KCNMA1: variants seen among roughly 807,000 people sequenced by gnomAD.
The protein encoded by KCNMA1 is Calcium-activated potassium channel subunit alpha-1.
In KCNMA1, 29 loss-of-function variants were observed where a neutral mutation model predicts 140.0. That is an observed-to-expected ratio of 0.21 (90% CI 0.15 to 0.28). The LOEUF is 0.28. Ranked by LOEUF, KCNMA1 falls within the 10% of genes least tolerant of loss-of-function variation. The pLI, the probability that KCNMA1 is intolerant of heterozygous loss-of-function variation, is 1.00. For synonymous variants in KCNMA1, 612 were observed against 611.9 expected, an observed-to-expected ratio of 1.00 and a Z score of 0.00; for missense variants, 880 against 1,602.2, an observed-to-expected ratio of 0.55 and a Z score of 7.70.
At chr10:77,379,700 C>T (rs2095312333) in intron 2 of KCNMA1, among the ~76,000 whole-genome samples, 1 of 152,048 alleles carries the variant, frequency 6.6e-6, no homozygotes, top group African/African-American at 2.4e-5. Context: ...TTTATGACTA[C>T]AGGAGTAAAG....
chr10:77,477,122 C>G (rs574055193), intron 1 of KCNMA1, among the ~76,000 whole-genome samples: 1 of 152,348 alleles, frequency 6.6e-6, no homozygotes, highest in South Asian at 2.1e-4. Flanking sequence ...CTTGGGCCTC[C>G]ATCATCTGTG....
At chr10:77,101,998 A>T (rs2153828599) in intron 9 of KCNMA1, among the ~76,000 whole-genome samples, 1 of 152,354 alleles carries the variant, frequency 6.6e-6, no homozygotes, top group South Asian at 2.1e-4. Context: ...AAGCCCTGAT[A>T]TTGGACTTCC....
chr10:77,588,453 T>C (rs1019127152), intron 1 of KCNMA1, among the ~76,000 whole-genome samples: 1 of 152,190 alleles, frequency 6.6e-6, no homozygotes, highest in African/African-American at 2.4e-5. Flanking sequence ...GTCTGGGCCC[T>C]GATATTTTAT....
At chr10:77,397,210 C>G (rs79186612) in intron 2 of KCNMA1, among the ~76,000 whole-genome samples, 101 of 152,296 alleles carry the variant, frequency 6.6e-4, no homozygotes, top group African/African-American at 2.3e-3. Flanking sequence ...GTGTGACACT[C>G]TTGCTACTCG....
intron 1 of KCNMA1, among the ~76,000 whole-genome samples, chr10:77,501,941 G>C (rs11002184): frequency 0.042 from 6,364 of 152,222 alleles, 191 homozygotes; most frequent in Non-Finnish European, 0.058. Flanking sequence ...GGATTTCACT[G>C]TGGCTGACTG....
At chr10:77,030,513 T>C (rs1483449755) in intron 15 of KCNMA1, among the ~76,000 whole-genome samples, 1 of 152,192 alleles carries the variant, frequency 6.6e-6, no homozygotes, top group Non-Finnish European at 1.5e-5. Context: ...CAAAGGTTAA[T>C]TTGCTAATAT....
intron 1 of KCNMA1, among the ~76,000 whole-genome samples, chr10:77,472,240 TAGACAC>T: frequency 6.7e-6 from 1 of 148,296 alleles, no homozygotes; most frequent in South Asian, 2.2e-4. Flanking sequence ...ATACATCACA[TAGACAC>T]AGACACATAC....
At chr10:77,004,213 CCACACACACACACACA>C (rs35789536) in intron 18 of KCNMA1, among the ~76,000 whole-genome samples, 5 of 144,366 alleles carry the variant, frequency 3.5e-5, no homozygotes, top group African/African-American at 7.8e-5. Flanking sequence ...ACAAGTGCCA[CCACACACACACACACA>C]CACACACACA....
intron 3 of KCNMA1, among the ~76,000 whole-genome samples, chr10:77,219,264 T>C (rs558385136): frequency 8.0e-4 from 122 of 152,172 alleles, no homozygotes; most frequent in Non-Finnish European, 1.5e-3. Flanking sequence ...CTTAATACAA[T>C]CGTGACGACA....
chr10:77,469,789 G>T (rs2098113067), intron 1 of KCNMA1, among the ~76,000 whole-genome samples: 2 of 152,144 alleles, frequency 1.3e-5, no homozygotes, highest in Admixed American at 1.3e-4. Flanking sequence ...ACTCTAGAGG[G>T]AATTTTAATT....
At chr10:76,943,044 C>A (rs994537046) in intron 23 of KCNMA1, among the ~76,000 whole-genome samples, 2 of 152,220 alleles carry the variant, frequency 1.3e-5, no homozygotes, top group African/African-American at 2.4e-5. Context: ...CCAACAGACA[C>A]CCATACTGGG....
At chr10:76,917,287 T>A (rs1429409283) in intron 23 of KCNMA1, among the ~76,000 whole-genome samples, 3 of 152,138 alleles carry the variant, frequency 2.0e-5, no homozygotes, top group African/African-American at 7.2e-5. Flanking sequence ...TATTTTGACA[T>A]CCATCATCAA....
At chr10:77,343,858 C>T (rs1053082174) in intron 2 of KCNMA1, among the ~76,000 whole-genome samples, 1 of 152,192 alleles carries the variant, frequency 6.6e-6, no homozygotes, top group Non-Finnish European at 1.5e-5. Context: ...TTTCAATCAC[C>T]TACCAAATAC....
intron 1 of KCNMA1, among the ~76,000 whole-genome samples, chr10:77,427,698 C>T (rs1249986364): frequency 6.6e-6 from 1 of 151,478 alleles, no homozygotes; most frequent in Non-Finnish European, 1.5e-5. Context: ...ATAAGTCATC[C>T]AATCCTGAGC....
At chr10:77,143,487 A>G (rs1450607062) in intron 5 of KCNMA1, among the ~76,000 whole-genome samples, 3 of 152,192 alleles carry the variant, frequency 2.0e-5, no homozygotes, top group Non-Finnish European at 4.4e-5. Flanking sequence ...ATACAACTCA[A>G]TGAGAAAAAT....
chr10:77,379,842 T>A (rs181977807), intron 2 of KCNMA1, among the ~76,000 whole-genome samples: 2 of 152,228 alleles, frequency 1.3e-5, no homozygotes, highest in Admixed American at 6.5e-5. Context: ...TACAAAACAT[T>A]TGGTGTCCAC....
chr10:77,043,903 C>T (rs118183815), intron 14 of KCNMA1, among the ~76,000 whole-genome samples: 1,629 of 152,156 alleles, frequency 0.011, 18 homozygotes, highest in Non-Finnish European at 0.016. Context: ...AAAAAGAGTT[C>T]CGGAAGTGGA....
In KCNMA1 at chr10:77,637,278, C is replaced by G. The variant is rs199568153; in HGVS notation, c.365G>C (p.Gly122Ala). ...GGCGCGCGTTACCTTCGTCTTGCCC[C>G]CGCAGTGGCAGCACACGGTCCACAG... ...KYLWTVCCHC[G>A]GKTKEAQKIN... Residue 122 changes from glycine to alanine, a missense_variant, in exon 1 of 28, where the codon GGG (glycine) becomes GCG (alanine). Physicochemically the swap from Gly to Ala is moderately conservative, Grantham distance 60 (BLOSUM62 0). Transcript: ENST00000286628. 79 of 1,608,706 alleles carry G rather than the reference C, an allele frequency of 4.9e-5. No homozygotes were observed. The highest frequency in any genetic ancestry group is 6.0e-5 in the Non-Finnish European group (71 of 1,176,506).
intron 1 of KCNMA1, among the ~76,000 whole-genome samples, chr10:77,432,962 T>C (rs1202264161): frequency 2.0e-5 from 3 of 152,024 alleles, no homozygotes; most frequent in African/African-American, 4.8e-5. Flanking sequence ...TTAGGGAGCC[T>C]TGAACCTCCC....
Sources: gnomAD v4.1 joint callset for allele counts (sites outside exome capture counted in the v4.1 genomes callset) on GRCh38, gnomAD v4.1.1 for gene constraint, MANE v1.5 for transcripts, NCBI Gene and HGNC (gene_info 2026-07-23, HGNC 2026-07-21) for gene names.